Variants in SELENOI observed in about 807,000 individuals in gnomAD.
SELENOI encodes selenoprotein I, also known as ethanolaminephosphotransferase 1.
A neutral mutation model predicts 50.7 loss-of-function variants in SELENOI; 24 were observed. The observed-to-expected ratio is 0.47, with a 90% CI of 0.34 to 0.67. The LOEUF is 0.67. SELENOI is among the 30% of genes least tolerant of loss of function. SELENOI has a pLI of 0.01. For missense variants in SELENOI, 352 were observed against 461.4 expected (o/e 0.76, Z 2.17); for synonymous variants, 155 against 170.2 (o/e 0.91, Z 0.70).
intron 6 of SELENOI, among the ~76,000 whole-genome samples, chr2:26,378,864 A>T (rs1558420274): frequency 1.3e-5 from 2 of 152,178 alleles, no homozygotes; most frequent in African/African-American, 4.8e-5. Context: ...TTTCATCCGT[A>T]AATATTTCAC....
At chr2:26,350,863 C>T (rs1001180249) in intron 1 of SELENOI, among the ~76,000 whole-genome samples, 1 of 152,034 alleles carries the variant, frequency 6.6e-6, no homozygotes, top group Non-Finnish European at 1.5e-5. Flanking sequence ...AGATGCTGCT[C>T]CATTTATGAT....
intron 9 of SELENOI, among the ~76,000 whole-genome samples, chr2:26,387,106 G>A (rs1400454075): frequency 6.6e-6 from 1 of 152,070 alleles, no homozygotes; most frequent in Non-Finnish European, 1.5e-5. Context: ...GCCCTCATCA[G>A]CAAAATTGAT....
chr2:26,351,055 G>GTTTT (rs35623246), intron 1 of SELENOI, among the ~76,000 whole-genome samples: 994 of 102,544 alleles, frequency 9.7e-3, no homozygotes, highest in Non-Finnish European at 0.014. Flanking sequence ...CTGTTTGTTT[G>GTTTT]TTTTTTTTTT....
chr2:26,388,374 C>A (rs1347195287), intron 9 of SELENOI, among the ~76,000 whole-genome samples: 1 of 152,122 alleles, frequency 6.6e-6, no homozygotes, highest in Non-Finnish European at 1.5e-5. Flanking sequence ...ATAAATAACA[C>A]GCTAACTGGA....
chr2:26,362,231 G>A (rs1457268958), intron 1 of SELENOI, among the ~76,000 whole-genome samples: 2 of 151,518 alleles, frequency 1.3e-5, no homozygotes, highest in East Asian at 2.0e-4. Flanking sequence ...CACCGTGCCC[G>A]GCTAATTTTT....
At chr2:26,372,486 A>G (rs1412122254) in intron 4 of SELENOI, among the ~76,000 whole-genome samples, 2 of 152,186 alleles carry the variant, frequency 1.3e-5, no homozygotes, top group Non-Finnish European at 2.9e-5. Context: ...AGCACCAAGA[A>G]TAGTGCATTA....
chr2:26,370,127 T>C (rs1677383258), intron 4 of SELENOI, among the ~76,000 whole-genome samples: 3 of 151,306 alleles, frequency 2.0e-5, no homozygotes, highest in African/African-American at 7.3e-5. Flanking sequence ...TTAATCCATT[T>C]AACTCTGAGT....
chr2:26,351,250 G>C (rs1361990156), intron 1 of SELENOI, among the ~76,000 whole-genome samples: 4 of 152,056 alleles, frequency 2.6e-5, no homozygotes, highest in Non-Finnish European at 4.4e-5. Context: ...GTAGAGACAG[G>C]TTTCGCCATG....
In SELENOI at chr2:26,392,466, T is replaced by A. The variant is rs746633027; in HGVS notation, c.*3363T>A. On this transcript the variant is annotated 3_prime_UTR_variant, in exon 10 of 10. Transcript: ENST00000260585. ...AGTCAGAGGCTACTTTTCCCCTTTA[T>A]ATTTTATATAGAAGCCTATTTGTAA... is the stretch of plus-strand genomic sequence containing the variant. 38 of 152,252 alleles carry A rather than the reference T, an allele frequency of 2.5e-4. No homozygotes were observed. The highest frequency in any genetic ancestry group is 4.8e-4 in the Non-Finnish European group (33 of 68,058). 9.4% of individuals were successfully genotyped at this position (152,252 alleles called of 1,614,324 possible).
intron 5 of SELENOI, 42 bp from the exon 6 acceptor site, chr2:26,374,998 C>T (rs1245188902): frequency 4.5e-6 from 6 of 1,346,784 alleles, no homozygotes; most frequent in African/African-American, 2.9e-5. Context: ...ATCTTTCTAG[C>T]GTTAATGCTT....
chr2:26,369,260 C>T (rs1677357086), intron 4 of SELENOI, among the ~76,000 whole-genome samples: 1 of 152,134 alleles, frequency 6.6e-6, no homozygotes, highest in Non-Finnish European at 1.5e-5. Context: ...AGTTAAGATT[C>T]TCATGTTTAT....
At chr2:26,371,397 C>G (rs1677442041) in intron 4 of SELENOI, among the ~76,000 whole-genome samples, 1 of 152,032 alleles carries the variant, frequency 6.6e-6, no homozygotes, top group Non-Finnish European at 1.5e-5. Flanking sequence ...GGCAGAGACG[C>G]TCCTCACTTC....
chr2:26,367,119 T>G, intron 3 of SELENOI, 27 bp from the exon 4 acceptor site: 4 of 1,591,160 alleles, frequency 2.5e-6, no homozygotes, highest in Non-Finnish European at 2.6e-6. Flanking sequence ...TAAACTGTAT[T>G]AAAATCTTAG....
intron 2 of SELENOI, 25 bp downstream of exon 2, chr2:26,364,395 T>G: frequency 6.9e-7 from 1 of 1,444,488 alleles, no homozygotes; most frequent in East Asian, 2.5e-5. Flanking sequence ...ATGTATGTAC[T>G]TTTTGTTTTA....
chr2:26,348,691 C>CT (rs75143515), intron 1 of SELENOI, among the ~76,000 whole-genome samples: 66 of 144,528 alleles, frequency 4.6e-4, no homozygotes, highest in Admixed American at 6.2e-4. Context: ...CTATGGCTGA[C>CT]TTTTTTTTTT....
At chr2:26,357,919 A>G (rs954960441) in intron 1 of SELENOI, among the ~76,000 whole-genome samples, 8 of 152,104 alleles carry the variant, frequency 5.3e-5, no homozygotes, top group Non-Finnish European at 1.0e-4. Context: ...GGTTTCCTCC[A>G]TACTGTTTTT....
chr2:26,376,134 C>G (rs548218180), intron 6 of SELENOI, among the ~76,000 whole-genome samples: 1 of 151,834 alleles, frequency 6.6e-6, no homozygotes, highest in East Asian at 1.9e-4. Flanking sequence ...TAACCCTTTC[C>G]CATTTGGTGA....
At chr2:26,364,077 CCT>C (rs1491139964) in intron 1 of SELENOI, among the ~76,000 whole-genome samples, 1 of 140,580 alleles carries the variant, frequency 7.1e-6, no homozygotes, top group Non-Finnish European at 1.5e-5. Context: ...TCTTTCTCCC[CCT>C]TTTTTTTTTT....
intron 4 of SELENOI, among the ~76,000 whole-genome samples, chr2:26,372,117 CTTTTTAA>C (rs549098427): frequency 1.2e-3 from 177 of 152,116 alleles, no homozygotes; most frequent in Non-Finnish European, 2.3e-3. Flanking sequence ...GTTCCTTTCT[CTTTTTAA>C]TTTTTGAGAC....
Sources: allele counts gnomAD v4.1 joint callset (sites outside exome capture counted in the v4.1 genomes callset), GRCh38; gene constraint gnomAD v4.1.1; transcripts MANE v1.5; gene names NCBI Gene and HGNC (gene_info 2026-07-23, HGNC 2026-07-21).